Variants in KLF15 observed in about 807,000 individuals in gnomAD.
KLF15 encodes the protein Krueppel-like factor 15.
In KLF15, 4 loss-of-function variants were observed where a neutral mutation model predicts 24.6. The observed-to-expected ratio is 0.16, with a 90% CI of 0.08 to 0.37. The LOEUF (loss-of-function observed/expected upper bound fraction) is 0.37. Among genes scored for constraint, KLF15 ranks in the 10% least tolerant of loss-of-function variants. The pLI is 1.00. For synonymous variants in KLF15, 246 were observed against 236.3 expected, an observed-to-expected ratio of 1.04 and a Z score of -0.37; for missense variants, 496 against 560.6, an observed-to-expected ratio of 0.88 and a Z score of 1.16.
At chr3:126,326,724 G>A in the KLF15 span, among the ~76,000 whole-genome samples, 1 of 152,040 alleles carries the variant, frequency 6.6e-6, no homozygotes, top group Non-Finnish European at 1.5e-5. Context: ...GGCAGAGGTG[G>A]CTTTTGTTTG....
downstream of KLF15, among the ~76,000 whole-genome samples, chr3:126,339,448 GC>G (rs1011086565): frequency 6.6e-6 from 1 of 152,106 alleles, no homozygotes; most frequent in Non-Finnish European, 1.5e-5. Context: ...TGCCCTCCCG[GC>G]CCCCCAGGGC....
At chr3:126,299,618 A>G in the KLF15 span, among the ~76,000 whole-genome samples, 1 of 151,780 alleles carries the variant, frequency 6.6e-6, no homozygotes, top group African/African-American at 2.4e-5. Flanking sequence ...GCATGGTGGC[A>G]GGCGCCTGTA....
the KLF15 span, among the ~76,000 whole-genome samples, chr3:126,314,873 A>G: frequency 6.6e-6 from 1 of 152,172 alleles, no homozygotes; most frequent in Non-Finnish European, 1.5e-5. Context: ...CCATCTTTTT[A>G]TGGCTTGCTT....
chr3:126,346,736 C>T (rs927506340), intron 2 of KLF15, among the ~76,000 whole-genome samples: 1 of 152,202 alleles, frequency 6.6e-6, no homozygotes, highest in Admixed American at 6.5e-5. Flanking sequence ...CTCACCCCTG[C>T]ATGCCACATT....
the KLF15 span, among the ~76,000 whole-genome samples, chr3:126,316,249 TGC>T: frequency 7.1e-6 from 1 of 140,916 alleles, no homozygotes; most frequent in African/African-American, 2.7e-5. Context: ...GGGCTGGGAG[TGC>T]ACGGGTGGGA....
At chr3:126,337,319 C>T in the KLF15 span, among the ~76,000 whole-genome samples, 23 of 137,796 alleles carry the variant, frequency 1.7e-4, no homozygotes, top group South Asian at 1.5e-3. Flanking sequence ...AGTAAACTAT[C>T]GCAAGAACAA....
At chr3:126,346,672 C>T (rs1269825970) in intron 2 of KLF15, among the ~76,000 whole-genome samples, 3 of 152,168 alleles carry the variant, frequency 2.0e-5, no homozygotes, top group African/African-American at 7.2e-5. Flanking sequence ...GCCACAGGGT[C>T]CTGGCACCTG....
chr3:126,298,680 A>G, the KLF15 span, among the ~76,000 whole-genome samples: 2 of 152,124 alleles, frequency 1.3e-5, no homozygotes, highest in Non-Finnish European at 2.9e-5. Flanking sequence ...TTCATTCTAC[A>G]TGTGGCTTGC....
chr3:126,320,668 C>A, the KLF15 span, among the ~76,000 whole-genome samples: 1 of 152,174 alleles, frequency 6.6e-6, no homozygotes, highest in Non-Finnish European at 1.5e-5. Context: ...AAGAAGATGT[C>A]CCCTGGTGTC....
chr3:126,299,735 G>T, the KLF15 span, among the ~76,000 whole-genome samples: 1 of 111,632 alleles, frequency 9.0e-6, no homozygotes, highest in Non-Finnish European at 1.7e-5. Context: ...TCAACAGAGC[G>T]ACACTCCATC....
rs1270852108 is a variant in KLF15 at position 126,356,760 on chromosome 3, G to A, written c.-26+477C>T. 6.6e-6 allele frequency among the ~76,000 whole-genome samples: 1 copy of A among 152,008 alleles called. No homozygotes were observed. ...CGGCTCAGACCCCTTCTAGAGTCCT[G>A]GACCGCTGCCCGCTGGGCACCATGC... On this transcript the variant is annotated intron_variant, in intron 1 of 2. Transcript: ENST00000296233. This position sits in a 1 kb window ranked among gnomAD's most constrained non-coding sequence, Gnocchi z 4.4.
the KLF15 span, among the ~76,000 whole-genome samples, chr3:126,317,441 C>T: frequency 5.3e-4 from 80 of 152,218 alleles, 2 homozygotes; most frequent in East Asian, 0.012. Context: ...AGCAACTTCG[C>T]GATAAGATCT....
At chr3:126,289,801 G>T in the KLF15 span, among the ~76,000 whole-genome samples, 43 of 152,258 alleles carry the variant, frequency 2.8e-4, no homozygotes, top group Non-Finnish European at 5.6e-4. Flanking sequence ...GACAAGCCTC[G>T]ATCAACTTAG....
chr3:126,297,069 T>G, the KLF15 span, among the ~76,000 whole-genome samples: 1 of 152,208 alleles, frequency 6.6e-6, no homozygotes, highest in Admixed American at 6.5e-5. Flanking sequence ...TCACTGCGCC[T>G]TAGTAACTTT....
the KLF15 span, chr3:126,293,788 T>A: frequency 6.6e-6 from 1 of 152,260 alleles, no homozygotes; most frequent in Non-Finnish European, 1.5e-5. Context: ...ATGAACTCAC[T>A]TTCGAAAGTG....
the KLF15 span, among the ~76,000 whole-genome samples, chr3:126,319,785 A>G: frequency 6.6e-6 from 1 of 152,272 alleles, no homozygotes; most frequent in Admixed American, 6.5e-5. Flanking sequence ...TTACAAGACA[A>G]TAATCTTTTC....
the KLF15 span, among the ~76,000 whole-genome samples, chr3:126,328,648 T>A: frequency 6.6e-6 from 1 of 152,162 alleles, no homozygotes; most frequent in Non-Finnish European, 1.5e-5. Flanking sequence ...TTGATGAAGT[T>A]TGCCAAATTA....
intron 2 of KLF15, among the ~76,000 whole-genome samples, chr3:126,344,231 G>C (rs1334715426): frequency 6.6e-6 from 1 of 151,960 alleles, no homozygotes; most frequent in Non-Finnish European, 1.5e-5. Flanking sequence ...GATAGTTTTT[G>C]TATTTTTTTT....
chr3:126,345,570 C>CAG (rs1553779711), intron 2 of KLF15, among the ~76,000 whole-genome samples: 1 of 151,578 alleles, frequency 6.6e-6, no homozygotes, highest in Non-Finnish European at 1.5e-5. Flanking sequence ...CACACACACA[C>CAG]AGGCACAAAT....
Sources: gnomAD v4.1 joint callset for allele counts (sites outside exome capture counted in the v4.1 genomes callset) on GRCh38, gnomAD v4.1.1 for gene constraint, Gnocchi (gnomAD v3.1) non-coding constraint, MANE v1.5 for transcripts, NCBI Gene and HGNC (gene_info 2026-07-23, HGNC 2026-07-21) for gene names.